RXRG: variants seen among roughly 807,000 people sequenced by gnomAD.
RXRG encodes retinoid X receptor gamma.
Under a neutral mutation model 49.2 loss-of-function variants are expected in RXRG, and 19 were observed. The ratio of observed to expected loss-of-function variants is 0.39; its 90% CI spans 0.27 to 0.57. The LOEUF is 0.57. Ranked by LOEUF, RXRG falls within the 20% of genes least tolerant of loss-of-function variation. The pLI is 0.64. For missense variants in RXRG, 452 were observed against 592.5 expected (o/e 0.76, Z 2.46); for synonymous variants, 224 against 216.6 (o/e 1.03, Z -0.30).
At chr1:165,413,100 G>C (rs756129569) in intron 4 of RXRG, among the ~76,000 whole-genome samples, 3 of 152,162 alleles carry the variant, frequency 2.0e-5, no homozygotes, top group Non-Finnish European at 4.4e-5. Context: ...TTTTGTATGA[G>C]CAAACCCTTT....
At chr1:165,426,144 G>A (rs1405005238) in intron 2 of RXRG, among the ~76,000 whole-genome samples, 1 of 152,194 alleles carries the variant, frequency 6.6e-6, no homozygotes, top group African/African-American at 2.4e-5. Context: ...GGGGCAGTTA[G>A]GATCCCCTGT....
intron 1 of RXRG, among the ~76,000 whole-genome samples, chr1:165,438,567 A>G (rs1252312482): frequency 6.6e-6 from 1 of 152,242 alleles, no homozygotes. Context: ...TGGTATGGAA[A>G]TAAATAGCAC....
intron 1 of RXRG, among the ~76,000 whole-genome samples, chr1:165,443,910 T>C (rs187384906): frequency 6.6e-6 from 1 of 152,320 alleles, no homozygotes; most frequent in East Asian, 1.9e-4. Flanking sequence ...CCAGAATCTT[T>C]CTTTGGCTCC....
At chr1:165,434,056 C>T (rs1344726729) in intron 1 of RXRG, among the ~76,000 whole-genome samples, 1 of 152,180 alleles carries the variant, frequency 6.6e-6, no homozygotes, top group Non-Finnish European at 1.5e-5. Context: ...GAGCACGGAA[C>T]ATGACCTCTG....
chr1:165,418,576 T>TGCCTCATTG (rs372280044), intron 3 of RXRG, among the ~76,000 whole-genome samples: 32 of 152,314 alleles, frequency 2.1e-4, no homozygotes, highest in African/African-American at 7.0e-4. Context: ...AGCCAGCCTT[T>TGCCTCATTG]GCCTCATTGG....
intron 9 of RXRG, among the ~76,000 whole-genome samples, chr1:165,405,799 C>T (rs1657725575): frequency 6.6e-6 from 1 of 152,206 alleles, no homozygotes; most frequent in African/African-American, 2.4e-5. Context: ...TAGGCCCTGC[C>T]TATTCATTGC....
At position 165,401,297 on chromosome 1, in the gene RXRG, A is replaced by G. The variant is rs1306538888; in HGVS notation, c.1358T>C (p.Met453Thr). The change falls in exon 10 of 10, where the codon ATG becomes ACG. Residue 453 changes from methionine (M) to threonine (T), a missense_variant. Coordinates refer to ENST00000359842, the MANE Select transcript of RXRG (RefSeq NM_006917.5). ...IGDTPIDTFLMEMLETPLQIT is the reference protein window; with the variant it reads ...IGDTPIDTFLTEMLETPLQIT Reference sequence around the variant, plus strand: ...CTGCAGCGGGGTCTCCAACATCTCCATGAGGAAGGTGTCAATGGGGGTGTC... The same window carrying G: ...CTGCAGCGGGGTCTCCAACATCTCCGTGAGGAAGGTGTCAATGGGGGTGTC... The G allele has an allele frequency of 1.2e-6, 2 of 1,614,024 alleles. No homozygotes were observed. The highest frequency in any genetic ancestry group is 1.1e-5 in the South Asian group (1 of 91,078).
At chr1:165,405,596 T>G (rs1657718700) in intron 9 of RXRG, among the ~76,000 whole-genome samples, 1 of 152,142 alleles carries the variant, frequency 6.6e-6, no homozygotes, top group African/African-American at 2.4e-5. Flanking sequence ...ATCATCTGGA[T>G]GCAAAACACA....
At chr1:165,444,801 C>T (rs754557796) in intron 1 of RXRG, 44 bp downstream of exon 1, 2 of 1,556,616 alleles carry the variant, frequency 1.3e-6, no homozygotes, top group South Asian at 1.1e-5. Flanking sequence ...TCTTCTCAGT[C>T]TCTCATACAG....
intron 1 of RXRG, among the ~76,000 whole-genome samples, chr1:165,439,144 CAATT>C (rs2101747377): frequency 6.6e-6 from 1 of 151,996 alleles, no homozygotes; most frequent in African/African-American, 2.4e-5. Context: ...ATTTTTCTCT[CAATT>C]GATCCAAATG....
chr1:165,437,171 A>G (rs759698954), intron 1 of RXRG: 1 of 1,367,564 alleles, frequency 7.3e-7, no homozygotes, highest in Non-Finnish European at 9.8e-7. Context: ...CGATGTGGAG[A>G]GCAGAAGTTG....
At chr1:165,401,742 G>C (rs1395046482) in intron 9 of RXRG, among the ~76,000 whole-genome samples, 1 of 152,188 alleles carries the variant, frequency 6.6e-6, no homozygotes, top group African/African-American at 2.4e-5. Flanking sequence ...AGCCATACTG[G>C]CTCCTCACAT....
rs1166985005 is a variant in RXRG, at chr1:165,401,395, C to G, written c.1260G>C (p.Leu420=). 4.3e-6 allele frequency: 7 copies of G among 1,614,100 alleles called. No individual in the cohort carries two copies. The highest frequency in any genetic ancestry group is 5.9e-6 in the Non-Finnish European group (7 of 1,180,022). Reference sequence around the variant, plus strand: ...TGGAACGCAGAGCTGGGAGGCGCAGCAGCAGCTTGGCAAACCTGCAGGGAA... The same window carrying G: ...TGGAACGCAGAGCTGGGAGGCGCAGGAGCAGCTTGGCAAACCTGCAGGGAA... ...PEQPGRFAKL[L]LRLPALRSIG... is the part of the protein sequence containing the mutation. The change falls in exon 10 of 10, where the codon CTG becomes CTC. Residue 420 remains leucine (L), a synonymous_variant. Transcript: ENST00000359842.
intron 9 of RXRG, among the ~76,000 whole-genome samples, chr1:165,404,820 A>ATG (rs921945996): frequency 5.3e-5 from 8 of 152,118 alleles, no homozygotes; most frequent in African/African-American, 1.9e-4. Context: ...GTGCAATGGC[A>ATG]TGATCTCAGC....
intron 2 of RXRG, chr1:165,424,917 AG>A (rs1272517162): frequency 2.0e-6 from 2 of 985,574 alleles, no homozygotes; most frequent in Admixed American, 6.1e-5. Flanking sequence ...TCGTTAACCG[AG>A]CAAAGCATTG....
chr1:165,415,119 T>C (rs1658084260), intron 4 of RXRG, among the ~76,000 whole-genome samples: 1 of 151,882 alleles, frequency 6.6e-6, no homozygotes, highest in Non-Finnish European at 1.5e-5. Context: ...CAATTTTAGA[T>C]GATATAACCA....
chr1:165,405,534 G>A (rs1347908049), intron 9 of RXRG, among the ~76,000 whole-genome samples: 1 of 152,254 alleles, frequency 6.6e-6, no homozygotes, highest in African/African-American at 2.4e-5. Context: ...CTAAGACCGA[G>A]GTCTGGCCCA....
At chr1:165,433,077 T>C (rs1014845323) in intron 1 of RXRG, among the ~76,000 whole-genome samples, 4 of 152,034 alleles carry the variant, frequency 2.6e-5, no homozygotes, top group Admixed American at 6.5e-5. Flanking sequence ...CCCTTCTGCA[T>C]CAGAGGATGC....
chr1:165,409,323 T>C (rs761439470), intron 7 of RXRG, among the ~76,000 whole-genome samples: 8 of 152,186 alleles, frequency 5.3e-5, no homozygotes, highest in Admixed American at 2.0e-4. Flanking sequence ...CTTATTGTGA[T>C]CTCAATCTTT....
Sources: gnomAD v4.1 joint callset for allele counts (sites outside exome capture counted in the v4.1 genomes callset) on GRCh38, gnomAD v4.1.1 for gene constraint, MANE v1.5 for transcripts, NCBI Gene and HGNC (gene_info 2026-07-23, HGNC 2026-07-21) for gene names.